Variants in RASAL2 observed in about 807,000 individuals in gnomAD.
RASAL2 encodes ras GTPase-activating protein nGAP.
Under a neutral mutation model 128.9 loss-of-function variants are expected in RASAL2, and 58 were observed. The observed-to-expected ratio is 0.45, with a 90% CI of 0.36 to 0.56. The LOEUF is 0.56. Ranked by LOEUF, RASAL2 falls within the 20% of genes least tolerant of loss-of-function variation. The probability of loss-of-function intolerance (pLI) is 0.00; values close to 1 mark genes in which losing one functional copy is unlikely to be tolerated. For synonymous variants in RASAL2, 561 were observed against 580.8 expected (o/e 0.97, Z 0.49); for missense variants, 1,360 against 1,601.6 (o/e 0.85, Z 2.57).
intron 4 of RASAL2, among the ~76,000 whole-genome samples, chr1:178,408,090 A>C (rs1674103095): frequency 6.6e-6 from 1 of 152,250 alleles, no homozygotes; most frequent in South Asian, 2.1e-4. Flanking sequence ...AAATTATTTT[A>C]GTTGTATCAA....
chr1:178,320,428 T>C (rs1228023254), intron 3 of RASAL2, among the ~76,000 whole-genome samples: 1 of 152,166 alleles, frequency 6.6e-6, no homozygotes, highest in African/African-American at 2.4e-5. Flanking sequence ...CAGACTGCTG[T>C]GCTAGCAATC....
chr1:178,388,830 A>G lies in RASAL2; in HGVS notation c.458-1270A>G, dbSNP rs574007248. Among the ~76,000 whole-genome samples the G allele has an allele frequency of 1.6e-4, 25 of 152,304 alleles. No homozygotes were observed. The East Asian group carries it at 4.4e-3, about 27-fold the overall frequency. On this transcript the variant is annotated intron_variant, in intron 3 of 17. Coordinates refer to ENST00000367649, the MANE Select transcript of RASAL2 (RefSeq NM_170692.4). The stretch of plus-strand genomic sequence containing the variant: ...CTGCAGATTAGTGTAAGACAGTGAA[A>G]TTTTCAGTAACTGAGGGAAGGCAGT...
chr1:178,287,403 G>A (rs891610577), intron 2 of RASAL2, among the ~76,000 whole-genome samples: 2 of 149,968 alleles, frequency 1.3e-5, no homozygotes, highest in African/African-American at 4.9e-5. Context: ...CACCCACCTT[G>A]TTGTGATCAA....
At chr1:178,465,024 A>G (rs1254963375) in intron 15 of RASAL2, among the ~76,000 whole-genome samples, 7 of 152,106 alleles carry the variant, frequency 4.6e-5, no homozygotes, top group Non-Finnish European at 1.0e-4. Context: ...TTTAATTGAC[A>G]ACCAGACAAT....
rs538976952 is a variant in RASAL2 at position 178,101,654 on chromosome 1, T to G, written c.202+6960T>G. On this transcript the variant is annotated intron_variant, in intron 1 of 17. Transcript: ENST00000367649. ...CCTTAAAGTCAATAGTTTTTGATAT[T>G]TTTCAAAGCAATCCTTTAGGTTTTC... is the stretch of plus-strand genomic sequence containing the variant. Among the ~76,000 whole-genome samples, 23 of 152,302 alleles carry G rather than the reference T, an allele frequency of 1.5e-4. No individual in the cohort carries two copies. In the South Asian group the frequency reaches 4.6e-3, roughly 30 times the overall value.
chr1:178,116,556 A>C (rs1428371012), intron 1 of RASAL2, among the ~76,000 whole-genome samples: 3 of 152,038 alleles, frequency 2.0e-5, no homozygotes, highest in African/African-American at 7.2e-5. Flanking sequence ...AGGAGGAACT[A>C]CTTCAGTTAA....
intron 11 of RASAL2, among the ~76,000 whole-genome samples, chr1:178,454,196 T>TAAAAAAAAAAAAA (rs56786408): frequency 3.7e-5 from 3 of 80,232 alleles, no homozygotes; most frequent in Non-Finnish European, 9.3e-5. Flanking sequence ...ATCCCAGAAC[T>TAAAAAAAAAAAAA]AAAAAAAAAA....
chr1:178,378,857 C>T (rs1474957271), intron 3 of RASAL2, among the ~76,000 whole-genome samples: 1 of 151,626 alleles, frequency 6.6e-6, no homozygotes, highest in East Asian at 1.9e-4. Flanking sequence ...TTTAACTCAA[C>T]AAGTTAGATA....
intron 4 of RASAL2, among the ~76,000 whole-genome samples, chr1:178,409,458 T>C (rs1416161121): frequency 6.6e-6 from 1 of 152,092 alleles, no homozygotes; most frequent in African/African-American, 2.4e-5. Flanking sequence ...TCCTAAGCGG[T>C]ATCAAAAAGG....
intron 2 of RASAL2, 42 bp from the exon 3 acceptor site, chr1:178,299,950 G>T: frequency 6.2e-7 from 1 of 1,600,082 alleles, no homozygotes; most frequent in South Asian, 1.1e-5. Context: ...TAGTTATGGT[G>T]AGTTCACTAT....
At chr1:178,420,395 T>A (rs1675065891) in intron 4 of RASAL2, 116 bp from the exon 5 acceptor site, 2 of 570,866 alleles carry the variant, frequency 3.5e-6, no homozygotes, top group African/African-American at 3.8e-5. Context: ...GCTTAAAAGC[T>A]AGTTTCTATT....
In RASAL2 at chr1:178,369,455, C is replaced by CTT. The variant is rs200687711; in HGVS notation, c.458-20644_458-20643insTT. Among the ~76,000 whole-genome samples, 1,831 of 151,894 alleles carry CTT rather than the reference C, an allele frequency of 0.012. 97 individuals carry two copies. The East Asian group carries it at 0.16, about 13-fold the overall frequency. On this transcript the variant is annotated intron_variant, in intron 3 of 17. Coordinates refer to ENST00000367649, the MANE Select transcript of RASAL2 (RefSeq NM_170692.4). ...GCCAGGCTCGTCTTGAACTCCTGAC[C>CTT]TCAAGTGATCTGCCTGCCTCAGCCT...
In RASAL2 at chr1:178,473,278, C is replaced by A. The variant is rs915764401; in HGVS notation, c.*39C>A. 1.2e-6 allele frequency: 2 copies of A among 1,610,184 alleles called. No homozygotes were observed. The highest frequency in any genetic ancestry group is 3.3e-5 in the Admixed American group (2 of 59,944). On this transcript the variant is annotated 3_prime_UTR_variant, in exon 18 of 18. Coordinates refer to ENST00000367649, the MANE Select transcript of RASAL2 (RefSeq NM_170692.4). ...TGGAAGGAGACAGAAGGAAATTGAC[C>A]CACTCTCCTATCTCCAGACCTTTAC...
chr1:178,323,076 A>G (rs1427398850), intron 3 of RASAL2, among the ~76,000 whole-genome samples: 1 of 152,166 alleles, frequency 6.6e-6, no homozygotes, highest in Admixed American at 6.5e-5. Context: ...ACTCTTGGCA[A>G]TCTTTTTCTT....
At chr1:178,199,326 C>A (rs575165625) in intron 1 of RASAL2, among the ~76,000 whole-genome samples, 3 of 152,176 alleles carry the variant, frequency 2.0e-5, no homozygotes, top group Non-Finnish European at 4.4e-5. Flanking sequence ...TCTGACCAGT[C>A]CCAATGAGAT....
chr1:178,261,810 A>G (rs11582336), intron 1 of RASAL2, among the ~76,000 whole-genome samples: 40,844 of 151,592 alleles, frequency 0.27, 6,382 homozygotes, highest in African/African-American at 0.44. Flanking sequence ...CCAGCTACTC[A>G]GGAGGCTGAG....
At chr1:178,429,935 T>G (rs929897209) in intron 5 of RASAL2, among the ~76,000 whole-genome samples, 1 of 152,112 alleles carries the variant, frequency 6.6e-6, no homozygotes, top group Non-Finnish European at 1.5e-5. Flanking sequence ...CATATCATCC[T>G]AGACTAAGTG....
Position 178,094,705 on chromosome 1 carries a change from CAGGCCGTCTTAG to C in RASAL2, c.202+16_202+27del, listed in dbSNP as rs1350115667. 11 of 1,613,846 alleles carry C rather than the reference CAGGCCGTCTTAG, an allele frequency of 6.8e-6. No individual in the cohort carries two copies. The highest frequency in any genetic ancestry group is 7.6e-6 in the Non-Finnish European group (9 of 1,179,906). On this transcript the variant is annotated intron_variant, in intron 1 of 17. Coordinates refer to ENST00000367649, the MANE Select transcript of RASAL2 (RefSeq NM_170692.4). Reference sequence around the variant, plus strand: ...GGGTCCGGGTGTACGGTAAGGACCACAGGCCGTCTTAGAGGCTGGTGTTTCCTATTTTTGCTT... The same window carrying C: ...GGGTCCGGGTGTACGGTAAGGACCACAGGCTGGTGTTTCCTATTTTTGCTT...
intron 1 of RASAL2, among the ~76,000 whole-genome samples, chr1:178,217,176 T>C (rs1037697738): frequency 2.0e-5 from 3 of 152,054 alleles, no homozygotes; most frequent in African/African-American, 7.2e-5. Flanking sequence ...GGTTTCTCCA[T>C]GTTAGTCAGG....
Sources: gnomAD v4.1 joint callset for allele counts (sites outside exome capture counted in the v4.1 genomes callset) on GRCh38, gnomAD v4.1.1 for gene constraint, MANE v1.5 for transcripts, NCBI Gene and HGNC (gene_info 2026-07-23, HGNC 2026-07-21) for gene names.